Variants in ENTREP2 observed in about 807,000 individuals in gnomAD.
ENTREP2 encodes the protein endosomal transmembrane epsin interactor 2, also known as protein ENTREP2.
the ENTREP2 span, among the ~76,000 whole-genome samples, chr15:29,200,750 T>C: frequency 2.0e-5 from 3 of 150,940 alleles, no homozygotes; most frequent in African/African-American, 7.3e-5. Flanking sequence ...TTAGTAGAGA[T>C]GGGGTTTCGC....
the ENTREP2 span, among the ~76,000 whole-genome samples, chr15:29,139,189 T>C: frequency 6.6e-6 from 1 of 152,146 alleles, no homozygotes; most frequent in Non-Finnish European, 1.5e-5. Context: ...ATGCTCTAGG[T>C]TGACGAAGAA....
At chr15:29,643,669 T>C in the ENTREP2 span, among the ~76,000 whole-genome samples, 2 of 151,444 alleles carry the variant, frequency 1.3e-5, no homozygotes, top group Non-Finnish European at 2.9e-5. Context: ...GAGTCCCAGC[T>C]ACTCTGGAGG....
the ENTREP2 span, among the ~76,000 whole-genome samples, chr15:29,274,430 T>C: frequency 1.4e-5 from 2 of 145,102 alleles, no homozygotes; most frequent in South Asian, 2.2e-4. Flanking sequence ...AGAGCAAACA[T>C]AGACATGGTG....
chr15:29,235,981 CA>C, the ENTREP2 span, among the ~76,000 whole-genome samples: 1 of 121,742 alleles, frequency 8.2e-6, no homozygotes, highest in African/African-American at 2.9e-5. Flanking sequence ...CAAAACAAAA[CA>C]AAAAAAAACC....
chr15:29,485,102 C>A, the ENTREP2 span, among the ~76,000 whole-genome samples: 15 of 152,126 alleles, frequency 9.9e-5, no homozygotes, highest in Non-Finnish European at 5.9e-5. Flanking sequence ...CTCCAAGGGT[C>A]CATCCTCCAC....
At chr15:29,234,181 A>C in the ENTREP2 span, 3 of 1,602,086 alleles carry the variant, frequency 1.9e-6, no homozygotes, top group Non-Finnish European at 1.7e-6. Flanking sequence ...ATCTGGGTCC[A>C]GTATCTGACC....
chr15:29,672,149 G>A, the ENTREP2 span, among the ~76,000 whole-genome samples: 1 of 152,070 alleles, frequency 6.6e-6, no homozygotes, highest in Non-Finnish European at 1.5e-5. Context: ...ACCATACCCG[G>A]CTAATTTTTT....
At chr15:29,216,968 AAAG>A in the ENTREP2 span, among the ~76,000 whole-genome samples, 1 of 152,344 alleles carries the variant, frequency 6.6e-6, no homozygotes, top group South Asian at 2.1e-4. Flanking sequence ...TCTCAGCCCC[AAAG>A]AAGGGGCTCG....
At chr15:29,438,963 C>T in the ENTREP2 span, among the ~76,000 whole-genome samples, 1 of 152,136 alleles carries the variant, frequency 6.6e-6, no homozygotes, top group Admixed American at 6.6e-5. Context: ...CCCCTGAAGG[C>T]AATGGCTCAG....
chr15:29,136,405 A>C, the ENTREP2 span: 2 of 1,530,676 alleles, frequency 1.3e-6, no homozygotes, highest in East Asian at 2.5e-5. Context: ...CCTCGTACGG[A>C]GGGGGGAGCT....
chr15:29,133,171 A>G, the ENTREP2 span, among the ~76,000 whole-genome samples: 1 of 151,990 alleles, frequency 6.6e-6, no homozygotes, highest in Non-Finnish European at 1.5e-5. Context: ...CATCCCCAGT[A>G]TCTAGGTCCT....
chr15:29,578,939 T>C, the ENTREP2 span, among the ~76,000 whole-genome samples: 1 of 152,202 alleles, frequency 6.6e-6, no homozygotes, highest in Non-Finnish European at 1.5e-5. Flanking sequence ...TCCAGTTAAC[T>C]CAACTAGCAC....
the ENTREP2 span, among the ~76,000 whole-genome samples, chr15:29,440,086 C>T: frequency 6.6e-6 from 1 of 152,036 alleles, no homozygotes; most frequent in Non-Finnish European, 1.5e-5. Flanking sequence ...TCATGAAAAA[C>T]AAGGAAAGAC....
At chr15:29,497,460 T>TAAGACTTCTTTTTCTTCACGATTAAATCC in the ENTREP2 span, among the ~76,000 whole-genome samples, 1 of 152,174 alleles carries the variant, frequency 6.6e-6, no homozygotes, top group African/African-American at 2.4e-5. Context: ...ATTAGCCTGT[T>TAAGACTTCTTTTTCTTCACGATTAAATCC]AAGACTTCTT....
chr15:29,243,166 T>C, the ENTREP2 span, among the ~76,000 whole-genome samples: 1 of 152,226 alleles, frequency 6.6e-6, no homozygotes, highest in African/African-American at 2.4e-5. Flanking sequence ...AATATGTGAA[T>C]ACATTTTGAT....
the ENTREP2 span, among the ~76,000 whole-genome samples, chr15:29,129,049 A>G: frequency 2.0e-5 from 3 of 152,286 alleles, no homozygotes; most frequent in South Asian, 6.2e-4. Flanking sequence ...GCCCTTGCCA[A>G]GGCCAAAGTC....
the ENTREP2 span, among the ~76,000 whole-genome samples, chr15:29,580,731 C>T: frequency 6.6e-6 from 1 of 152,160 alleles, no homozygotes; most frequent in Non-Finnish European, 1.5e-5. Flanking sequence ...TCTAAGTCAG[C>T]ATAAGGCAAA....
At chr15:29,164,818 G>A in the ENTREP2 span, among the ~76,000 whole-genome samples, 1 of 151,994 alleles carries the variant, frequency 6.6e-6, no homozygotes, top group Non-Finnish European at 1.5e-5. Context: ...CTATACCTTG[G>A]AACAAATGGA....
the ENTREP2 span, among the ~76,000 whole-genome samples, chr15:29,229,912 ATCTG>A: frequency 3.3e-5 from 5 of 152,046 alleles, no homozygotes; most frequent in Non-Finnish European, 2.9e-5. Flanking sequence ...CCATCCAACC[ATCTG>A]TGAGATTTCT....
Sources: allele counts gnomAD v4.1 joint callset (sites outside exome capture counted in the v4.1 genomes callset), GRCh38; gene constraint gnomAD v4.1.1; transcripts MANE v1.5; gene names NCBI Gene and HGNC (gene_info 2026-07-23, HGNC 2026-07-21).